PALS1: variants seen among roughly 807,000 people sequenced by gnomAD.
PALS1 encodes protein associated with LIN7 1, MAGUK p55 family member.
In PALS1, 31 loss-of-function variants were observed where a neutral mutation model predicts 78.9. That is an observed-to-expected ratio of 0.39 (90% CI 0.30 to 0.53). The LOEUF is 0.53. PALS1 is among the 20% of genes least tolerant of loss of function. PALS1 has a pLI of 0.67. For missense variants in PALS1, 704 were observed against 826.5 expected (o/e 0.85, Z 1.82); for synonymous variants, 276 against 270.9 (o/e 1.02, Z -0.18).
chr14:67,323,261 G>GTATA (rs58770441), intron 13 of PALS1, among the ~76,000 whole-genome samples: 62 of 124,190 alleles, frequency 5.0e-4, no homozygotes, highest in African/African-American at 1.6e-3. Flanking sequence ...GTGTGTGTGT[G>GTATA]TATATATATA....
In PALS1 at chr14:67,312,529, C is replaced by A; in HGVS notation, c.1044C>A (p.Ile348=). ...IKPPPAKETV[I]HVKAHFDYDP... ...TTTTTGCCCTTTTTATCTTTTAGAT[C>A]CATGTAAAAGCTCATTTTGACTATG... Residue 348 remains isoleucine, a splice_region_variant and synonymous_variant, in exon 9 of 15, where the codon ATC becomes ATA. Transcript: ENST00000261681. 3 of 1,560,316 alleles carry A rather than the reference C, an allele frequency of 1.9e-6. No homozygotes were observed. The highest frequency in any genetic ancestry group is 1.3e-5 in the South Asian group (1 of 78,394).
Position 67,323,910 on chromosome 14 carries a change from C to G in PALS1, c.1851+98C>G. 6.1e-6 allele frequency: 4 copies of G among 650,558 alleles called. No homozygotes were observed. In the South Asian group the frequency reaches 8.0e-5, roughly 13 times the overall value. 40.3% of individuals were successfully genotyped at this position (650,558 alleles called of 1,614,324 possible). On this transcript the variant is annotated intron_variant, in intron 14 of 14. Coordinates refer to ENST00000261681, the MANE Select transcript of PALS1 (RefSeq NM_022474.4). ...TGCTTAAAAGCTACATTAGCTTGAGCTTTCAAACTGATTATTTTTTCTGTA... is the reference window on the plus strand; with the variant it reads ...TGCTTAAAAGCTACATTAGCTTGAGGTTTCAAACTGATTATTTTTTCTGTA...
intron 8 of PALS1, among the ~76,000 whole-genome samples, chr14:67,305,665 A>G (rs2084992127): frequency 6.6e-6 from 1 of 152,244 alleles, no homozygotes; most frequent in East Asian, 1.9e-4. Context: ...TTTCATGGAT[A>G]GAATTAATCG....
At chr14:67,257,128 T>A (rs1294627008) in intron 1 of PALS1, among the ~76,000 whole-genome samples, 2 of 152,088 alleles carry the variant, frequency 1.3e-5, no homozygotes, top group Admixed American at 1.3e-4. Context: ...TTAGCGGGGA[T>A]CATAAGTAGG....
At chr14:67,306,342 CTTTTG>C in intron 8 of PALS1, among the ~76,000 whole-genome samples, 1 of 151,804 alleles carries the variant, frequency 6.6e-6, no homozygotes, top group South Asian at 2.1e-4. Context: ...CTTCTTTTCT[CTTTTG>C]TTTTTTGTTT....
Position 67,333,127 on chromosome 14 carries a change from T to G in PALS1, c.*171T>G, listed in dbSNP as rs2085476008. On this transcript the variant is annotated 3_prime_UTR_variant, in exon 15 of 15. Coordinates refer to ENST00000261681, the MANE Select transcript of PALS1 (RefSeq NM_022474.4). ...GAGACGACAGTTCCCTTAGGCAGTT[T>G]GTGCATGGCATCCTTTATTCTCTAT... The G allele has an allele frequency of 1.8e-6, 1 of 557,038 alleles. No homozygotes were observed. The highest frequency in any genetic ancestry group is 2.7e-5 in the South Asian group (1 of 36,824). 34.5% of individuals were successfully genotyped at this position (557,038 alleles called of 1,614,324 possible).
At chr14:67,252,085 C>T (rs1350128177) in intron 1 of PALS1, among the ~76,000 whole-genome samples, 1 of 152,200 alleles carries the variant, frequency 6.6e-6, no homozygotes, top group Non-Finnish European at 1.5e-5. Context: ...TGCATCTCTT[C>T]CATTTGGCTA....
At chr14:67,248,365 A>AT (rs1393353061) in intron 1 of PALS1, among the ~76,000 whole-genome samples, 1 of 152,102 alleles carries the variant, frequency 6.6e-6, no homozygotes, top group Non-Finnish European at 1.5e-5. Flanking sequence ...TAAAAAAAAA[A>AT]GGAAACCAAA....
intron 12 of PALS1, 27 bp downstream of exon 12, chr14:67,320,424 C>A (rs754365416): frequency 1.9e-6 from 3 of 1,548,620 alleles, no homozygotes; most frequent in African/African-American, 2.8e-5. Flanking sequence ...TCCCATTTTC[C>A]TGTGCTTTTC....
In PALS1 at chr14:67,323,666, G is replaced by A. The variant is rs114130157; in HGVS notation, c.1741-36G>A. The A allele has an allele frequency of 1.4e-3, 1,197 of 872,896 alleles. 14 individuals are homozygous for A. The African/African-American group carries it at 0.019, about 14-fold the overall frequency. 54.1% of individuals were successfully genotyped at this position (872,896 alleles called of 1,614,324 possible). On this transcript the variant is annotated intron_variant, in intron 13 of 14. Coordinates refer to ENST00000261681, the MANE Select transcript of PALS1 (RefSeq NM_022474.4). ...TATTATTAGGAAGTAATTAAATGAT[G>A]CAAATTATTTTAAAAATCAAAATGT...
rs890593561 is a variant in PALS1, at chr14:67,284,442, A to AAAAAAAACAAAAAAAAAC, written c.367+4907_367+4908insAAAAACAAAAAAAAACAA. 4.9e-5 allele frequency among the ~76,000 whole-genome samples: 7 copies of AAAAAAAACAAAAAAAAAC among 142,870 alleles called. 1 individual carries two copies. Among genetic ancestry groups the AAAAAAAACAAAAAAAAAC allele is most frequent in the African/African-American group, 1.8e-4 (7 of 38,696 alleles). The allele number at this position is 142,870 out of a possible 152,430, so 93.7% of individuals were successfully genotyped here. A position where few individuals can be genotyped will look rare whatever the true frequency, so the allele number is the denominator to read the frequency against. On this transcript the variant is annotated intron_variant, in intron 3 of 14. Transcript: ENST00000261681. The stretch of plus-strand genomic sequence containing the variant: ...GACCCTATCTCTTAAAAAAAAAAAA[A>AAAAAAAACAAAAAAAAAC]AACAGCTGGGCATGGTGGTATGCTT...
At chr14:67,270,650 C>G (rs188467903) in intron 2 of PALS1, 7 of 149,776 alleles carry the variant, frequency 4.7e-5, no homozygotes, top group African/African-American at 1.7e-4. Context: ...GACTTTTTCA[C>G]TTTTATGATG....
At chr14:67,323,232 C>T (rs199618138) in intron 13 of PALS1, among the ~76,000 whole-genome samples, 3 of 143,592 alleles carry the variant, frequency 2.1e-5, no homozygotes, top group African/African-American at 7.8e-5. Context: ...CATATATACA[C>T]GTGTGTGTGT....
chr14:67,307,070 GCT>G (rs1310787405), intron 8 of PALS1, among the ~76,000 whole-genome samples: 1 of 144,212 alleles, frequency 6.9e-6, no homozygotes, highest in East Asian at 2.4e-4. Context: ...TGTCAGAAGT[GCT>G]CTCTTGAGTT....
At chr14:67,316,133 C>G (rs1210222655) in intron 9 of PALS1, among the ~76,000 whole-genome samples, 1 of 152,138 alleles carries the variant, frequency 6.6e-6, no homozygotes, top group Non-Finnish European at 1.5e-5. Flanking sequence ...CAACGTAATT[C>G]AGAATCTTCT....
intron 8 of PALS1, 51 bp downstream of exon 8, chr14:67,303,650 C>T (rs907061647): frequency 7.9e-7 from 1 of 1,263,066 alleles, no homozygotes; most frequent in African/African-American, 1.5e-5. Flanking sequence ...ATGCTGTTTA[C>T]TTCTGTTACT....
At chr14:67,247,464 T>G (rs1276277240) in intron 1 of PALS1, among the ~76,000 whole-genome samples, 1 of 152,208 alleles carries the variant, frequency 6.6e-6, no homozygotes, top group African/African-American at 2.4e-5. Context: ...CTCAAAACTT[T>G]TCTTTCCTTC....
At chr14:67,280,857 C>CCTTCCTTCCTTCCTTCCT (rs1567518348) in intron 3 of PALS1, among the ~76,000 whole-genome samples, 1 of 53,250 alleles carries the variant, frequency 1.9e-5, no homozygotes, top group Admixed American at 2.1e-4. Flanking sequence ...CCTTCCTTCC[C>CCTTCCTTCCTTCCTTCCT]TCCCTCCCTC....
chr14:67,249,656 T>G (rs1410911762), intron 1 of PALS1, among the ~76,000 whole-genome samples: 1 of 152,238 alleles, frequency 6.6e-6, no homozygotes, highest in East Asian at 1.9e-4. Context: ...TTATGCTTTT[T>G]TGATATAAAT....
Sources: gnomAD v4.1 joint callset for allele counts (sites outside exome capture counted in the v4.1 genomes callset) on GRCh38, gnomAD v4.1.1 for gene constraint, MANE v1.5 for transcripts, NCBI Gene and HGNC (gene_info 2026-07-23, HGNC 2026-07-21) for gene names.